Variants in EFCAB6 observed in about 807,000 individuals in gnomAD.
The protein encoded by EFCAB6 is EF-hand calcium-binding domain-containing protein 6.
A neutral mutation model predicts 169.8 loss-of-function variants in EFCAB6; 156 were observed. The ratio of observed to expected loss-of-function variants is 0.92; its 90% CI spans 0.81 to 1.05. EFCAB6 has a LOEUF of 1.05. Among genes scored for constraint, EFCAB6 ranks in the 50% least tolerant of loss-of-function variants. EFCAB6 has a pLI of 0.00. For missense variants in EFCAB6, 1,800 were observed against 1,829.1 expected, an observed-to-expected ratio of 0.98 and a Z score of 0.29; for synonymous variants, 698 against 676.4, an observed-to-expected ratio of 1.03 and a Z score of -0.50.
At chr22:43,773,222 C>G in intron 3 of EFCAB6, 119 bp from the exon 4 acceptor site, 1 of 978,242 alleles carries the variant, frequency 1.0e-6, no homozygotes, top group Non-Finnish European at 1.5e-6. Context: ...CCCACCATAT[C>G]TAGGTTTACG....
chr22:43,655,214 G>A (rs2096775497), intron 17 of EFCAB6, among the ~76,000 whole-genome samples: 1 of 152,162 alleles, frequency 6.6e-6, no homozygotes, highest in Admixed American at 6.5e-5. Flanking sequence ...CTGAGATCAT[G>A]CCACTGCACT....
intron 19 of EFCAB6, among the ~76,000 whole-genome samples, chr22:43,631,835 G>A (rs2054968476): frequency 6.6e-6 from 1 of 152,022 alleles, no homozygotes; most frequent in Non-Finnish European, 1.5e-5. Context: ...GGGTTGTCAT[G>A]CTTCTTCTCC....
Position 43,708,423 on chromosome 22 carries a change from C to G in EFCAB6, c.1031+3052G>C, listed in dbSNP as rs368224258. On this transcript the variant is annotated intron_variant, in intron 10 of 31. Coordinates refer to ENST00000262726, the MANE Select transcript of EFCAB6 (RefSeq NM_022785.4). ...AAAAAAAAGGAAAACTTAGCCAATACCAAACAAGAAAGACGAGGAATAAAG... is the reference window on the plus strand; with the variant it reads ...AAAAAAAAGGAAAACTTAGCCAATAGCAAACAAGAAAGACGAGGAATAAAG... Among the ~76,000 whole-genome samples, 21 of 150,886 alleles carry G rather than the reference C, an allele frequency of 1.4e-4. No homozygotes were observed. The East Asian group carries it at 2.0e-3, about 14-fold the overall frequency.
chr22:43,654,751 A>C, intron 17 of EFCAB6, among the ~76,000 whole-genome samples: 1 of 152,220 alleles, frequency 6.6e-6, no homozygotes, highest in East Asian at 1.9e-4. Context: ...TGAAGTGAAG[A>C]GGTAAGGAAA....
chr22:43,593,088 C>T (rs1252770034), intron 23 of EFCAB6, among the ~76,000 whole-genome samples: 1 of 150,528 alleles, frequency 6.6e-6, no homozygotes, highest in Non-Finnish European at 1.5e-5. Context: ...ATCCTGAAAA[C>T]ATTGAATCTT....
chr22:43,751,634 C>T (rs1422655880), intron 6 of EFCAB6, among the ~76,000 whole-genome samples: 1 of 152,130 alleles, frequency 6.6e-6, no homozygotes, highest in Non-Finnish European at 1.5e-5. Flanking sequence ...AAGAAAACTC[C>T]CAAATGCCCA....
intron 8 of EFCAB6, among the ~76,000 whole-genome samples, chr22:43,726,247 T>A (rs1379176431): frequency 5.5e-5 from 1 of 18,338 alleles, no homozygotes; most frequent in Non-Finnish European, 1.2e-4. Flanking sequence ...CCTAAAGAAA[T>A]AAGCAGAAGA....
Position 43,729,999 on chromosome 22 carries a change from AT to A in EFCAB6, c.757+1699del, listed in dbSNP as rs201344400. On this transcript the variant is annotated intron_variant, in intron 8 of 31. Transcript: ENST00000262726. ...AACATAGTGAGACCCTGTCTCTAGA[AT>A]TTTTTTTTTTAAAGTTAGCCAGGCA... 9.4e-3 allele frequency among the ~76,000 whole-genome samples: 1,368 copies of A among 146,252 alleles called. 20 individuals are homozygous for A. Among genetic ancestry groups the A allele is most frequent in the African/African-American group, 0.033 (1,295 of 39,842 alleles).
In EFCAB6 at chr22:43,795,283, T is replaced by C. The variant is rs952174789; in HGVS notation, c.-7-12958A>G. 6.6e-6 allele frequency among the ~76,000 whole-genome samples: 1 copy of C among 152,206 alleles called. No individual in the cohort carries two copies. Among genetic ancestry groups the C allele is most frequent in the African/African-American group, 2.4e-5 (1 of 41,440 alleles). On this transcript the variant is annotated intron_variant, in intron 2 of 31. Transcript: ENST00000262726. The surrounding 1 kb of genome is among the most constrained non-coding windows in gnomAD (Gnocchi z 4.2). ...GGGGCATACACTATGAATACAACGA[T>C]ATAAAAATATATTGTCACAAATAGA...
At chr22:43,649,779 C>T (rs1006040892) in intron 17 of EFCAB6, among the ~76,000 whole-genome samples, 8 of 152,008 alleles carry the variant, frequency 5.3e-5, no homozygotes, top group African/African-American at 1.9e-4. Flanking sequence ...AACCAGGACC[C>T]AGAGGGACAA....
chr22:43,697,911 C>T (rs2058633311), intron 10 of EFCAB6, among the ~76,000 whole-genome samples: 1 of 152,156 alleles, frequency 6.6e-6, no homozygotes, highest in African/African-American at 2.4e-5. Context: ...TCAGAAGAGG[C>T]AGCAAAGGGT....
intron 2 of EFCAB6, among the ~76,000 whole-genome samples, chr22:43,785,002 T>C (rs750347753): frequency 4.0e-5 from 6 of 151,866 alleles, no homozygotes; most frequent in Non-Finnish European, 8.8e-5. Flanking sequence ...AAAATAAACA[T>C]ATATGCACCT....
chr22:43,678,717 A>G (rs941592044), intron 12 of EFCAB6, among the ~76,000 whole-genome samples: 1 of 152,230 alleles, frequency 6.6e-6, no homozygotes, highest in Non-Finnish European at 1.5e-5. Flanking sequence ...AAATACCGTG[A>G]GAAAAAATTT....
At chr22:43,679,820 A>C (rs2057931647) in intron 12 of EFCAB6, among the ~76,000 whole-genome samples, 1 of 152,170 alleles carries the variant, frequency 6.6e-6, no homozygotes, top group Admixed American at 6.5e-5. Context: ...TATTTTACCC[A>C]TTTAAAAAAT....
chr22:43,678,329 C>CTGTGTG (rs137787), intron 12 of EFCAB6, among the ~76,000 whole-genome samples, 166 bp from the exon 13 acceptor site: 5,715 of 144,296 alleles, frequency 0.04, 155 homozygotes, highest in Non-Finnish European at 0.051. Flanking sequence ...AACATGAGCA[C>CTGTGTG]TGTGTGTGTG....
At chr22:43,582,879 C>T (rs889227511) in intron 24 of EFCAB6, among the ~76,000 whole-genome samples, 5 of 152,178 alleles carry the variant, frequency 3.3e-5, no homozygotes, top group African/African-American at 1.2e-4. Flanking sequence ...CTTAATGTCC[C>T]TGGATAAGGC....
intron 2 of EFCAB6, among the ~76,000 whole-genome samples, chr22:43,792,629 C>T (rs1569492058): frequency 1.3e-5 from 2 of 152,160 alleles, no homozygotes; most frequent in Non-Finnish European, 2.9e-5. Context: ...TCATTTAACT[C>T]TTCCCACCCC....
chr22:43,793,676 G>A (rs1199697761), intron 2 of EFCAB6, among the ~76,000 whole-genome samples: 1 of 144,594 alleles, frequency 6.9e-6, no homozygotes, highest in Admixed American at 6.9e-5. Flanking sequence ...ATTGCTCTGT[G>A]GGGTACCTGT....
At chr22:43,645,685 G>A (rs536508826) in intron 17 of EFCAB6, among the ~76,000 whole-genome samples, 6 of 152,146 alleles carry the variant, frequency 3.9e-5, no homozygotes, top group South Asian at 4.2e-4. Flanking sequence ...GTATATTTCC[G>A]CATTGTGCAT....
Sources: allele counts gnomAD v4.1 joint callset (sites outside exome capture counted in the v4.1 genomes callset), GRCh38; gene constraint gnomAD v4.1.1; non-coding constraint Gnocchi (gnomAD v3.1); transcripts MANE v1.5; gene names NCBI Gene and HGNC (gene_info 2026-07-23, HGNC 2026-07-21).